Variants in PCNX2 observed in about 807,000 individuals in gnomAD.
PCNX2 encodes the protein pecanex 2.
A neutral mutation model predicts 223.8 loss-of-function variants in PCNX2; 168 were observed. That is an observed-to-expected ratio of 0.75 (90% CI 0.66 to 0.85). PCNX2 has a LOEUF of 0.85. Among genes scored for constraint, PCNX2 ranks in the 40% least tolerant of loss-of-function variants. The probability of loss-of-function intolerance (pLI) is 0.00; values close to 1 mark genes in which losing one functional copy is unlikely to be tolerated. For missense variants in PCNX2, 2,507 were observed against 2,675.5 expected, an observed-to-expected ratio of 0.94 and a Z score of 1.39; for synonymous variants, 1,006 against 1,052.6, an observed-to-expected ratio of 0.96 and a Z score of 0.86.
rs187684462 is a variant in PCNX2 at position 233,200,140 on chromosome 1, T to G, written c.2974+14A>C. 6.6e-7 allele frequency: 1 copy of G among 1,526,200 alleles called. No individual in the cohort carries two copies. Among genetic ancestry groups the G allele is most frequent in the African/African-American group, 1.4e-5 (1 of 72,530 alleles). The allele number at this position is 1,526,200 out of a possible 1,614,324, so 94.5% of individuals were successfully genotyped here. On this transcript the variant is annotated intron_variant, in intron 14 of 33. Transcript: ENST00000258229. ...GAATTCCTTTACAGGAAGAATAGAA[T>G]GTAAACGACTTACCAGAACCACCAA...
intron 25 of PCNX2, among the ~76,000 whole-genome samples, chr1:233,043,146 C>A (rs745651056): frequency 6.6e-6 from 1 of 152,198 alleles, no homozygotes; most frequent in African/African-American, 2.4e-5. Context: ...CTGCTGTTGG[C>A]AGCATGGTGA....
chr1:232,996,138 A>T (rs1481187862), intron 32 of PCNX2, among the ~76,000 whole-genome samples: 2 of 152,172 alleles, frequency 1.3e-5, no homozygotes, highest in Non-Finnish European at 1.5e-5. Context: ...CTGGGATTAT[A>T]GGTGTGCACC....
intron 8 of PCNX2, chr1:233,241,428 C>T (rs1658758070): frequency 1.1e-6 from 1 of 936,006 alleles, no homozygotes; most frequent in African/African-American, 1.8e-5. Context: ...GGTGAAAGTA[C>T]AATCTCTTTC....
At chr1:233,199,084 C>T in intron 14 of PCNX2, 54 bp from the exon 15 acceptor site, 2 of 1,483,022 alleles carry the variant, frequency 1.3e-6, no homozygotes, top group Non-Finnish European at 9.1e-7. Context: ...TTAAAATCAA[C>T]AAATGTAAAA....
At chr1:233,154,834 C>T (rs1435166990) in intron 19 of PCNX2, among the ~76,000 whole-genome samples, 3 of 151,974 alleles carry the variant, frequency 2.0e-5, no homozygotes, top group East Asian at 1.9e-4. Context: ...TTTGGGAGGC[C>T]GAGGCAGGCA....
chr1:232,990,844 G>A lies in PCNX2; in HGVS notation c.5792-4304C>T, dbSNP rs1669671126. Among the ~76,000 whole-genome samples the A allele has an allele frequency of 6.6e-6, 1 of 152,208 alleles. No homozygotes were observed. Among genetic ancestry groups the A allele is most frequent in the African/African-American group, 2.4e-5 (1 of 41,442 alleles). On this transcript the variant is annotated intron_variant, in intron 32 of 33. Transcript: ENST00000258229. This position sits in a 1 kb window ranked among gnomAD's most constrained non-coding sequence, Gnocchi z 4.3. ...GGCCTGCACAGGCCTCTTCCCCAGGGTCGTCTCCCAGGGCGGACCTTGGGC... is the reference window on the plus strand; with the variant it reads ...GGCCTGCACAGGCCTCTTCCCCAGGATCGTCTCCCAGGGCGGACCTTGGGC...
rs1377172325 is a variant in PCNX2 at position 233,031,776 on chromosome 1, G to A, written c.4352-6377C>T. The A allele has an allele frequency of 5.1e-6, 5 of 981,524 alleles. No homozygotes were observed. The East Asian group carries it at 5.7e-4, about 113-fold the overall frequency. 60.8% of individuals were successfully genotyped at this position (981,524 alleles called of 1,614,324 possible). A position where few individuals can be genotyped will look rare whatever the true frequency, so the allele number is the denominator to read the frequency against. The stretch of plus-strand genomic sequence containing the variant: ...GACCTCCTTGCTTTGGCTCTTGGCT[G>A]AAAGCATTCTTTTTTTTTTTTTTTT... On this transcript the variant is annotated intron_variant, in intron 25 of 33. Transcript: ENST00000258229.
intron 32 of PCNX2, among the ~76,000 whole-genome samples, chr1:232,993,501 T>A (rs147347694): frequency 6.6e-6 from 1 of 152,200 alleles, no homozygotes; most frequent in South Asian, 2.1e-4. Flanking sequence ...GTACAACTTA[T>A]GTTTAAAAAG....
intron 17 of PCNX2, among the ~76,000 whole-genome samples, chr1:233,165,627 G>A (rs1678748351): frequency 6.6e-6 from 1 of 152,114 alleles, no homozygotes; most frequent in South Asian, 2.1e-4. Context: ...AGCACTAAAA[G>A]TATATTTAGG....
intron 31 of PCNX2, 141 bp downstream of exon 31, chr1:232,998,964 G>A (rs376028083): frequency 6.4e-5 from 57 of 896,750 alleles, no homozygotes; most frequent in African/African-American, 1.2e-4. Flanking sequence ...TGATCTGTTC[G>A]ATGCCACTTG....
chr1:233,247,703 C>A (rs1324399007), intron 8 of PCNX2, among the ~76,000 whole-genome samples: 2 of 151,968 alleles, frequency 1.3e-5, no homozygotes, highest in Non-Finnish European at 2.9e-5. Flanking sequence ...CATGGTGAAA[C>A]CCTGTCTCTA....
intron 8 of PCNX2, among the ~76,000 whole-genome samples, chr1:233,240,129 T>C (rs1658665444): frequency 6.6e-6 from 1 of 152,204 alleles, no homozygotes; most frequent in African/African-American, 2.4e-5. Flanking sequence ...ATTGCTCAAA[T>C]GGAGACGTTT....
At chr1:233,244,701 A>G (rs1282505349) in intron 8 of PCNX2, among the ~76,000 whole-genome samples, 7 of 152,142 alleles carry the variant, frequency 4.6e-5, no homozygotes, top group Admixed American at 4.6e-4. Context: ...ACAGAGCAAG[A>G]CCCTGTCTCA....
At chr1:233,059,483 G>C (rs1025440552) in intron 23 of PCNX2, among the ~76,000 whole-genome samples, 2 of 152,216 alleles carry the variant, frequency 1.3e-5, no homozygotes, top group Non-Finnish European at 2.9e-5. Flanking sequence ...CAAGGTCACA[G>C]ATCTAACAGG....
At chr1:233,272,764 G>A (rs1393489500) in intron 1 of PCNX2, among the ~76,000 whole-genome samples, 2 of 152,132 alleles carry the variant, frequency 1.3e-5, no homozygotes, top group Non-Finnish European at 2.9e-5. Context: ...CAATCAATGA[G>A]TGGATAAAGA....
In PCNX2 at chr1:233,139,023, C is replaced by A. The variant is rs1386664667; in HGVS notation, c.3659+691G>T. ...GTGTTTAAGCAACGTGACTAATGAG[C>A]AAATCTGGGAAAGAATCTCTTTTAT... On this transcript the variant is annotated intron_variant, in intron 20 of 33. Coordinates refer to ENST00000258229, the MANE Select transcript of PCNX2 (RefSeq NM_014801.4). This position sits in a 1 kb window ranked among gnomAD's most constrained non-coding sequence, Gnocchi z 4.4. 2.0e-5 allele frequency among the ~76,000 whole-genome samples: 3 copies of A among 152,182 alleles called. No homozygotes were observed. Among genetic ancestry groups the A allele is most frequent in the East Asian group, 1.9e-4 (1 of 5,196 alleles).
intron 25 of PCNX2, among the ~76,000 whole-genome samples, chr1:233,039,728 A>G (rs1437610316): frequency 6.6e-6 from 1 of 152,202 alleles, no homozygotes. Flanking sequence ...TTGAAAACAA[A>G]CTGGCTTTGG....
intron 20 of PCNX2, among the ~76,000 whole-genome samples, chr1:233,137,390 G>A (rs2102771244): frequency 6.6e-6 from 1 of 152,364 alleles, no homozygotes; most frequent in Non-Finnish European, 1.5e-5. Flanking sequence ...ACAGGCTCCA[G>A]CCACTGGATG....
At chr1:233,076,238 A>G (rs779787365) in intron 23 of PCNX2, among the ~76,000 whole-genome samples, 8 of 152,222 alleles carry the variant, frequency 5.3e-5, no homozygotes, top group Non-Finnish European at 1.0e-4. Flanking sequence ...TAGAGTTGTG[A>G]GTGAAACTTC....
Sources: allele counts gnomAD v4.1 joint callset (sites outside exome capture counted in the v4.1 genomes callset), GRCh38; gene constraint gnomAD v4.1.1; non-coding constraint Gnocchi (gnomAD v3.1); transcripts MANE v1.5; gene names NCBI Gene and HGNC (gene_info 2026-07-23, HGNC 2026-07-21).